BACE1: variants seen among roughly 807,000 people sequenced by gnomAD.
BACE1 encodes the protein APP beta-secretase.
A neutral mutation model predicts 54.0 loss-of-function variants in BACE1; 21 were observed. The ratio of observed to expected loss-of-function variants is 0.39; its 90% confidence interval spans 0.28 to 0.56. The LOEUF (loss-of-function observed/expected upper bound fraction) is 0.56, where lower values mean the gene tolerates loss of function less well. Among genes scored for constraint, BACE1 ranks in the 20% least tolerant of loss-of-function variants. BACE1 has a pLI of 0.63. For synonymous variants in BACE1, 232 were observed against 260.9 expected, an observed-to-expected ratio of 0.89 and a Z score of 1.07; for missense variants, 511 against 661.2, an observed-to-expected ratio of 0.77 and a Z score of 2.49.
intron 2 of BACE1, among the ~76,000 whole-genome samples, chr11:117,296,385 A>C (rs1252706485): frequency 1.3e-5 from 2 of 152,108 alleles, no homozygotes; most frequent in Non-Finnish European, 2.9e-5. Flanking sequence ...AGAGGGGTTT[A>C]TGAAAGACCC....
Position 117,292,926 on chromosome 11 carries a change from T to C in BACE1, c.840+128A>G, listed in dbSNP as rs2034487156. On this transcript the variant is annotated intron_variant, in intron 5 of 8. Coordinates refer to ENST00000313005, the MANE Select transcript of BACE1 (RefSeq NM_012104.6). Reference sequence around the variant, plus strand: ...CATTAAGCCCCTGACTGTTCTAGGCTCAACTTCCAACCCTTTCTGCAGGTC... The same window carrying C: ...CATTAAGCCCCTGACTGTTCTAGGCCCAACTTCCAACCCTTTCTGCAGGTC... 5 of 1,189,036 alleles carry C rather than the reference T, an allele frequency of 4.2e-6. No homozygotes were observed. The African/African-American group carries it at 4.6e-5, about 11-fold the overall frequency. 73.7% of individuals were successfully genotyped at this position (1,189,036 alleles called of 1,614,324 possible).
At chr11:117,299,704 G>C in intron 1 of BACE1, 1 of 398,954 alleles carries the variant, frequency 2.5e-6, no homozygotes, top group South Asian at 1.8e-5. Context: ...CAGATGCTGT[G>C]CTTTCAGAGA....
At chr11:117,310,837 ACTT>A (rs1486061916) in intron 1 of BACE1, among the ~76,000 whole-genome samples, 5 of 152,326 alleles carry the variant, frequency 3.3e-5, no homozygotes, top group East Asian at 1.9e-4. Flanking sequence ...GCTTGTGATA[ACTT>A]CTTCTTCCCC....
chr11:117,289,386 CA>C lies in BACE1; in HGVS notation c.*179del. 1.0e-6 allele frequency: 1 copy of C among 978,012 alleles called. No homozygotes were observed. Among genetic ancestry groups the C allele is most frequent in the Non-Finnish European group, 1.5e-6 (1 of 683,880 alleles). 60.6% of individuals were successfully genotyped at this position (978,012 alleles called of 1,614,324 possible). ...TTCTCTTTTCTGTTTCCTACAGGTA[CA>C]GTCCCTGGAACCCACCTTGCCAGCC... On this transcript the variant is annotated 3_prime_UTR_variant, in exon 9 of 9. Coordinates refer to ENST00000313005, the MANE Select transcript of BACE1 (RefSeq NM_012104.6).
In BACE1 at chr11:117,286,401, A is replaced by G. The variant is rs2034262333; in HGVS notation, c.*3165T>C. 6.6e-6 allele frequency: 1 copy of G among 152,164 alleles called. No homozygotes were observed. Among genetic ancestry groups the G allele is most frequent in the South Asian group, 2.1e-4 (1 of 4,836 alleles). The allele number at this position is 152,164 out of a possible 1,614,324, so 9.4% of individuals were successfully genotyped here. Reference sequence around the variant, plus strand: ...TTCCTATCCTTTTATCTTTACTCCTACAGGGAATGGCCTCAGCTCCCTTCT... The same window carrying G: ...TTCCTATCCTTTTATCTTTACTCCTGCAGGGAATGGCCTCAGCTCCCTTCT... On this transcript the variant is annotated 3_prime_UTR_variant, in exon 9 of 9. Coordinates refer to ENST00000313005, the MANE Select transcript of BACE1 (RefSeq NM_012104.6).
intron 1 of BACE1, among the ~76,000 whole-genome samples, chr11:117,303,924 A>G (rs1565364256): frequency 6.6e-6 from 1 of 152,228 alleles, no homozygotes; most frequent in Non-Finnish European, 1.5e-5. Flanking sequence ...CCCATCTTAC[A>G]CATGCCACAA....
Position 117,293,768 on chromosome 11 carries a change from A to G in BACE1, c.705+103T>C. 8.0e-7 allele frequency: 1 copy of G among 1,251,056 alleles called. No homozygotes were observed. The highest frequency in any genetic ancestry group is 1.1e-6 in the Non-Finnish European group (1 of 926,150). The allele number at this position is 1,251,056 out of a possible 1,614,324, so 77.5% of individuals were successfully genotyped here. ...ATATAAAGAGGTTCCTCCTGATTCT[A>G]AGTATCGGAGCCAAAACTGTGGTGT... is the stretch of plus-strand genomic sequence containing the variant. On this transcript the variant is annotated intron_variant, in intron 4 of 8. Coordinates refer to ENST00000313005, the MANE Select transcript of BACE1 (RefSeq NM_012104.6). This position sits in a 1 kb window ranked among gnomAD's most constrained non-coding sequence, Gnocchi z 4.1.
chr11:117,308,986 C>T (rs993867206), intron 1 of BACE1, among the ~76,000 whole-genome samples: 4 of 152,086 alleles, frequency 2.6e-5, no homozygotes, highest in Non-Finnish European at 5.9e-5. Flanking sequence ...CTATATTGTG[C>T]TTCAAAAGCT....
intron 1 of BACE1, among the ~76,000 whole-genome samples, chr11:117,306,076 G>T (rs1025618884): frequency 1.3e-5 from 2 of 152,112 alleles, no homozygotes; most frequent in Admixed American, 1.3e-4. Context: ...TAAAGCAGCG[G>T]AATCCTTTTC....
rs963472824 is a variant in BACE1 at position 117,316,223 on chromosome 11, C to G, written c.-428G>C. ...CCATAATCCAGCTCGCGGCTCGCAG[C>G]TCCCGGGCGGGCTGGGGAGGCGGAA... On this transcript the variant is annotated 5_prime_UTR_variant, in exon 1 of 9. Coordinates refer to ENST00000313005, the MANE Select transcript of BACE1 (RefSeq NM_012104.6). 2.3e-6 allele frequency: 1 copy of G among 435,510 alleles called. No individual in the cohort carries two copies. Among genetic ancestry groups the G allele is most frequent in the Non-Finnish European group, 4.1e-6 (1 of 244,226 alleles). 27.0% of individuals were successfully genotyped at this position (435,510 alleles called of 1,614,324 possible).
chr11:117,307,120 T>G (rs2034848330), intron 1 of BACE1, among the ~76,000 whole-genome samples: 1 of 152,150 alleles, frequency 6.6e-6, no homozygotes, highest in African/African-American at 2.4e-5. Context: ...TACCCAAGGC[T>G]GCGGTACTAA....
intron 5 of BACE1, 120 bp downstream of exon 5, chr11:117,292,934 C>T: frequency 7.9e-7 from 1 of 1,272,116 alleles, no homozygotes; most frequent in Non-Finnish European, 1.1e-6. Context: ...GCTCAACTTC[C>T]AACCCTTTCT....
chr11:117,293,304 C>T lies in BACE1; in HGVS notation c.706-116G>A. On this transcript the variant is annotated intron_variant, in intron 4 of 8. Coordinates refer to ENST00000313005, the MANE Select transcript of BACE1 (RefSeq NM_012104.6). This position sits in a 1 kb window ranked among gnomAD's most constrained non-coding sequence, Gnocchi z 4.1. ...GGGTGGCAAGGTCTTCTACAGGCTA[C>T]CCTTTTCATCTTCCTGCTTCTAAAC... 9.7e-7 allele frequency: 1 copy of T among 1,035,242 alleles called. No individual in the cohort carries two copies. Among genetic ancestry groups the T allele is most frequent in the Non-Finnish European group, 1.4e-6 (1 of 718,604 alleles). 64.1% of individuals were successfully genotyped at this position (1,035,242 alleles called of 1,614,324 possible).
Position 117,289,131 on chromosome 11 carries a change from GC to G in BACE1, c.*434del. On this transcript the variant is annotated 3_prime_UTR_variant, in exon 9 of 9. Transcript: ENST00000313005. Reference sequence around the variant, plus strand: ...CATCCTCTCCTACTGACTTTGGCCAGCAGGGAAACAAGCTTGGTCTCTTCTC... The same window carrying G: ...CATCCTCTCCTACTGACTTTGGCCAGAGGGAAACAAGCTTGGTCTCTTCTC... The G allele has an allele frequency of 5.4e-6, 1 of 184,564 alleles. No individual in the cohort carries two copies. The highest frequency in any genetic ancestry group is 1.3e-4 in the South Asian group (1 of 7,836). 11.4% of individuals were successfully genotyped at this position (184,564 alleles called of 1,614,324 possible). A position where few individuals can be genotyped will look rare whatever the true frequency, so the allele number is the denominator to read the frequency against.
intron 2 of BACE1, chr11:117,295,638 C>CCTGCTGCTG: frequency 3.3e-6 from 5 of 1,527,012 alleles, no homozygotes; most frequent in Non-Finnish European, 4.4e-6. Flanking sequence ...GTGCATTGTG[C>CCTGCTGCTG]CTGCTGCTGC....
At chr11:117,301,236 C>G (rs2034718477) in intron 1 of BACE1, among the ~76,000 whole-genome samples, 1 of 152,216 alleles carries the variant, frequency 6.6e-6, no homozygotes, top group African/African-American at 2.4e-5. Context: ...GATGTCTAAG[C>G]TCCTAACTCC....
chr11:117,294,330 C>T (rs150308863), intron 3 of BACE1: 4,943 of 175,762 alleles, frequency 0.028, 122 homozygotes, highest in Non-Finnish European at 0.042. Context: ...GATTCTCGTG[C>T]CTCAGCCTCC....
intron 1 of BACE1, among the ~76,000 whole-genome samples, chr11:117,305,218 T>C (rs522843): frequency 0.33 from 50,464 of 151,966 alleles, 9,055 homozygotes; most frequent in East Asian, 0.66. Flanking sequence ...GTGAGTCAGC[T>C]TCATCTGCTT....
chr11:117,309,450 T>C (rs948065604), intron 1 of BACE1, among the ~76,000 whole-genome samples: 2 of 152,168 alleles, frequency 1.3e-5, no homozygotes, highest in East Asian at 1.9e-4. Context: ...AGCTTTCTCC[T>C]CTTTCAAATA....
Sources: allele counts gnomAD v4.1 joint callset (sites outside exome capture counted in the v4.1 genomes callset), GRCh38; gene constraint gnomAD v4.1.1; non-coding constraint Gnocchi (gnomAD v3.1); transcripts MANE v1.5; gene names NCBI Gene and HGNC (gene_info 2026-07-23, HGNC 2026-07-21).